KIF3B: variants seen among roughly 807,000 people sequenced by gnomAD.
KIF3B encodes kinesin-like protein KIF3B.
Under a neutral mutation model 74.3 loss-of-function variants are expected in KIF3B, and 38 were observed. That is an observed-to-expected ratio of 0.51 (90% CI 0.39 to 0.67). The LOEUF is 0.67. KIF3B is among the 30% of genes least tolerant of loss of function. The probability of loss-of-function intolerance (pLI) is 0.00; values close to 1 mark genes in which losing one functional copy is unlikely to be tolerated. For synonymous variants in KIF3B, 326 were observed against 342.5 expected (o/e 0.95, Z 0.53); for missense variants, 649 against 932.0 (o/e 0.70, Z 3.95).
intron 5 of KIF3B, among the ~76,000 whole-genome samples, chr20:32,323,462 C>T (rs56366536): frequency 2.0e-5 from 3 of 151,490 alleles, no homozygotes; most frequent in African/African-American, 7.3e-5. Flanking sequence ...TGCAGTGGCG[C>T]GGTCTCGGCT....
intron 1 of KIF3B, among the ~76,000 whole-genome samples, chr20:32,303,290 C>T (rs999823034): frequency 2.3e-4 from 35 of 152,030 alleles, no homozygotes; most frequent in African/African-American, 6.5e-4. Context: ...TTAGAGTGGG[C>T]GCTGTGGCTC....
intron 1 of KIF3B, among the ~76,000 whole-genome samples, chr20:32,300,340 C>T (rs570620362): frequency 1.3e-5 from 2 of 151,860 alleles, no homozygotes; most frequent in East Asian, 1.9e-4. Flanking sequence ...TGCAGTGGTG[C>T]GATCTCCACT....
intron 1 of KIF3B, among the ~76,000 whole-genome samples, chr20:32,300,362 C>T (rs1389947562): frequency 1.3e-5 from 2 of 151,756 alleles, no homozygotes; most frequent in African/African-American, 4.8e-5. Flanking sequence ...ACTGCAAGCT[C>T]CGCCTCCCAG....
intron 2 of KIF3B, 29 bp from the exon 3 acceptor site, chr20:32,316,189 A>C (rs773990734): frequency 1.6e-6 from 2 of 1,241,280 alleles, no homozygotes; most frequent in South Asian, 2.4e-5. Flanking sequence ...ACCGTTCATG[A>C]GATGGATTCT....
chr20:32,331,271 C>T lies in KIF3B; in HGVS notation c.2196C>T (p.Thr732=), dbSNP rs1276081722. 7 of 1,613,508 alleles carry T rather than the reference C, an allele frequency of 4.3e-6. No homozygotes were observed. In the East Asian group the frequency reaches 6.7e-5, roughly 15 times the overall value. Residue 732 remains threonine (T), a synonymous_variant, in exon 9 of 9, where the codon ACC becomes ACT. Transcript: ENST00000375712. ...KSGSSSSSSG[T]PASQLYPQSR... The stretch of plus-strand genomic sequence containing the variant: ...GATCCTCCTCCTCTTCCTCAGGAAC[C>T]CCTGCATCTCAGCTTTATCCACAGT...
At chr20:32,287,466 T>C (rs1052725605) in intron 1 of KIF3B, among the ~76,000 whole-genome samples, 1 of 151,768 alleles carries the variant, frequency 6.6e-6, no homozygotes, top group African/African-American at 2.4e-5. Context: ...GGGCCACAGG[T>C]GCGTGCCACC....
chr20:32,307,720 A>G (rs1427216748), intron 1 of KIF3B, among the ~76,000 whole-genome samples: 2 of 152,052 alleles, frequency 1.3e-5, no homozygotes, highest in African/African-American at 4.8e-5. Context: ...TCACGAGGTC[A>G]GAAGATCGAG....
intron 5 of KIF3B, among the ~76,000 whole-genome samples, chr20:32,322,252 T>C (rs1182999735): frequency 6.6e-6 from 1 of 152,038 alleles, no homozygotes; most frequent in African/African-American, 2.4e-5. Flanking sequence ...TAAGGGTTTT[T>C]TGGGTGCTAT....
At chr20:32,324,964 A>T (rs2047895408) in intron 5 of KIF3B, among the ~76,000 whole-genome samples, 1 of 152,058 alleles carries the variant, frequency 6.6e-6, no homozygotes, top group East Asian at 1.9e-4. Context: ...CTGGGAGACG[A>T]AGGTTGCAGT....
At chr20:32,309,050 T>C (rs1436681601) in intron 1 of KIF3B, among the ~76,000 whole-genome samples, 1 of 152,034 alleles carries the variant, frequency 6.6e-6, no homozygotes, top group Non-Finnish European at 1.5e-5. Flanking sequence ...AGAGTCTCAC[T>C]CTGTCATCCA....
chr20:32,310,104 C>T lies in KIF3B; in HGVS notation c.327C>T (p.Ile109=). ...GAAAAACCTACACCATGGAAGGAAT[C>T]CGTGGTGACCCTGAAAAAAGAGGAG... The part of the protein sequence containing the change: ...GTGKTYTMEG[I]RGDPEKRGVI... Residue 109 remains isoleucine, a synonymous_variant, in exon 2 of 9, where the codon ATC becomes ATT. Coordinates refer to ENST00000375712, the MANE Select transcript of KIF3B (RefSeq NM_004798.4). This position sits in a 1 kb window ranked among gnomAD's most constrained non-coding sequence, Gnocchi z 6.5. 1 of 1,614,142 alleles carries T rather than the reference C, an allele frequency of 6.2e-7. No homozygotes were observed. Among genetic ancestry groups the T allele is most frequent in the Non-Finnish European group, 8.5e-7 (1 of 1,180,008 alleles).
intron 1 of KIF3B, among the ~76,000 whole-genome samples, chr20:32,300,540 A>G (rs1203855370): frequency 6.6e-6 from 1 of 151,906 alleles, no homozygotes; most frequent in African/African-American, 2.4e-5. Flanking sequence ...CGGCCTCCCA[A>G]AGTGCTGGGA....
In KIF3B at chr20:32,330,181, G is replaced by A. The variant is rs191165066; in HGVS notation, c.2009G>A (p.Arg670Gln). ...CTGTTAGAGCTGGACATGCCCAGCC[G>A]GACCACCAGAGACTATGAGGGTCCA... ...IVLLELDMPS[R>Q]TTRDYEGPAI... Residue 670 changes from arginine (R) to glutamine (Q), a missense_variant, in exon 8 of 9, where the codon CGG (arginine) becomes CAG (glutamine). Arg to Gln is a conservative substitution (Grantham distance 43). This residue lies in a region of KIF3B where 186 missense variants were observed against 198.5 expected (regional missense o/e 0.94). Transcript: ENST00000375712. 5.0e-6 allele frequency: 8 copies of A among 1,613,812 alleles called. No homozygotes were observed. The highest frequency in any genetic ancestry group is 2.2e-5 in the East Asian group (1 of 44,854).
In KIF3B at chr20:32,314,087, AG is replaced by A. The variant is rs1271236372; in HGVS notation, c.1405-2130del. Among the ~76,000 whole-genome samples the A allele has an allele frequency of 2.6e-5, 4 of 152,314 alleles. No homozygotes were observed. In the East Asian group the frequency reaches 5.8e-4, roughly 22 times the overall value. On this transcript the variant is annotated intron_variant, in intron 2 of 8. Coordinates refer to ENST00000375712, the MANE Select transcript of KIF3B (RefSeq NM_004798.4). ...CTGTTATTCAAGGCCAGGAGCACCT[AG>A]ATTCTCTAAACAACCCCTCAGAGAA... is the stretch of plus-strand genomic sequence containing the variant.
chr20:32,315,574 G>A (rs2047822889), intron 2 of KIF3B, among the ~76,000 whole-genome samples: 1 of 152,140 alleles, frequency 6.6e-6, no homozygotes, highest in East Asian at 1.9e-4. Flanking sequence ...TCAGCCAAGT[G>A]TGGTGGTGTA....
intron 5 of KIF3B, among the ~76,000 whole-genome samples, chr20:32,322,348 C>G (rs1413305384): frequency 6.6e-6 from 1 of 151,370 alleles, no homozygotes; most frequent in East Asian, 2.0e-4. Context: ...GTGGCTCACA[C>G]GTGTAATCCC....
At chr20:32,286,657 T>C (rs2047668521) in intron 1 of KIF3B, among the ~76,000 whole-genome samples, 1 of 152,224 alleles carries the variant, frequency 6.6e-6, no homozygotes, top group South Asian at 2.1e-4. Flanking sequence ...AGGCTGACTT[T>C]AAGATCCACC....
chr20:32,293,299 AGAAAG>A (rs1364403494), intron 1 of KIF3B, among the ~76,000 whole-genome samples: 8 of 151,856 alleles, frequency 5.3e-5, no homozygotes, highest in Admixed American at 3.9e-4. Context: ...AAGACAGAAA[AGAAAG>A]GAAAAAGAAG....
intron 1 of KIF3B, among the ~76,000 whole-genome samples, chr20:32,299,508 T>C (rs529256561): frequency 5.5e-5 from 8 of 146,720 alleles, no homozygotes; most frequent in Non-Finnish European, 1.2e-4. Flanking sequence ...GACTCTTGGG[T>C]TCAAGTGATT....
Sources: allele counts gnomAD v4.1 joint callset (sites outside exome capture counted in the v4.1 genomes callset), GRCh38; gene constraint gnomAD v4.1.1; regional missense constraint gnomAD v4.1.1; non-coding constraint Gnocchi (gnomAD v3.1); transcripts MANE v1.5; gene names NCBI Gene and HGNC (gene_info 2026-07-23, HGNC 2026-07-21).